Variants in CHDH observed in about 807,000 individuals in gnomAD.
The protein encoded by CHDH is choline dehydrogenase, mitochondrial.
A neutral mutation model predicts 56.9 loss-of-function variants in CHDH; 43 were observed. The observed-to-expected ratio is 0.76, with a 90% confidence interval of 0.59 to 0.97. The LOEUF is 0.97. Among genes scored for constraint, CHDH ranks in the 50% least tolerant of loss-of-function variants. CHDH has a pLI of 0.00. For missense variants in CHDH, 816 were observed against 821.1 expected (o/e 0.99, Z 0.08); for synonymous variants, 364 against 348.5 (o/e 1.04, Z -0.50).
chr3:53,822,571 C>T lies in CHDH; in HGVS notation c.775G>A (p.Glu259Lys), dbSNP rs1447905824. ...AATAGCACCCTGCTCACAAGCGTCTCGGCCTCGGCCTTGAGGTTGGTGCGG... is the reference window on the plus strand; with the variant it reads ...AATAGCACCCTGCTCACAAGCGTCTTGGCCTCGGCCTTGAGGTTGGTGCGG... Reference protein sequence around the residue: ...LSRTNLKAEAETLVSRVLFEG... With the variant: ...LSRTNLKAEAKTLVSRVLFEG... Residue 259 changes from glutamate to lysine, a missense_variant, in exon 4 of 9, where the codon GAG (glutamate) becomes AAG (lysine). Coordinates refer to ENST00000315251, the MANE Select transcript of CHDH (RefSeq NM_018397.5). 3.1e-6 allele frequency: 5 copies of T among 1,613,082 alleles called. No individual in the cohort carries two copies. Among genetic ancestry groups the T allele is most frequent in the African/African-American group, 2.7e-5 (2 of 74,936 alleles).
At chr3:53,820,991 G>C (rs2095625200) in intron 5 of CHDH, among the ~76,000 whole-genome samples, 1 of 152,376 alleles carries the variant, frequency 6.6e-6, no homozygotes, top group South Asian at 2.1e-4. Context: ...CCTCACGCCA[G>C]CGTGGGGAAG....
chr3:53,843,758 G>T (rs1176775259), intron 1 of CHDH, among the ~76,000 whole-genome samples: 1 of 152,092 alleles, frequency 6.6e-6, no homozygotes, highest in Admixed American at 6.5e-5. Flanking sequence ...TGACTGAAGG[G>T]AGAAGGTCAG....
At chr3:53,818,556 C>T (rs928405109) in intron 8 of CHDH, among the ~76,000 whole-genome samples, 3 of 152,218 alleles carry the variant, frequency 2.0e-5, no homozygotes, top group African/African-American at 7.2e-5. Flanking sequence ...GTGGGTAGTG[C>T]TCGTTTTTGC....
At chr3:53,842,315 A>C (rs1282657211) in intron 1 of CHDH, among the ~76,000 whole-genome samples, 2 of 152,146 alleles carry the variant, frequency 1.3e-5, no homozygotes, top group Non-Finnish European at 2.9e-5. Context: ...TATTAATAAC[A>C]AATAAATTCA....
intron 1 of CHDH, among the ~76,000 whole-genome samples, chr3:53,845,261 C>T (rs1698825360): frequency 6.6e-6 from 1 of 152,222 alleles, no homozygotes; most frequent in African/African-American, 2.4e-5. Context: ...GGCTGATCCC[C>T]AGTCCATGCA....
chr3:53,816,371 G>A lies in CHDH; in HGVS notation c.*1406C>T, dbSNP rs1320849814. On this transcript the variant is annotated 3_prime_UTR_variant, in exon 9 of 9. Transcript: ENST00000315251. ...CTGGAGAAGGCATCTCAGTTCAAAT[G>A]TGAGTGACTGGATCACTTTATTGAA... The A allele has an allele frequency of 6.6e-6, 1 of 152,204 alleles. No homozygotes were observed. Among genetic ancestry groups the A allele is most frequent in the Non-Finnish European group, 1.5e-5 (1 of 68,026 alleles). The allele number at this position is 152,204 out of a possible 1,614,324, so 9.4% of individuals were successfully genotyped here. A position where few individuals can be genotyped will look rare whatever the true frequency, so the allele number is the denominator to read the frequency against.
At chr3:53,820,392 A>T (rs1404832094) in intron 6 of CHDH, 82 bp downstream of exon 6, 7 of 1,497,300 alleles carry the variant, frequency 4.7e-6, no homozygotes, top group Non-Finnish European at 6.3e-6. Context: ...CCCAGTGGCC[A>T]GAACCCCTGT....
intron 1 of CHDH, among the ~76,000 whole-genome samples, 183 bp downstream of exon 1, chr3:53,845,900 A>T (rs1216649152): frequency 1.3e-5 from 2 of 152,194 alleles, no homozygotes; most frequent in Non-Finnish European, 2.9e-5. Flanking sequence ...CCCTCAAAGG[A>T]GTCAGTGAGC....
At chr3:53,841,394 T>G (rs1576808490) in intron 1 of CHDH, among the ~76,000 whole-genome samples, 1 of 152,312 alleles carries the variant, frequency 6.6e-6, no homozygotes, top group East Asian at 1.9e-4. Flanking sequence ...TGTTTGATTT[T>G]CTGCGCTCAT....
intron 2 of CHDH, among the ~76,000 whole-genome samples, chr3:53,840,526 C>CAA (rs35642771): frequency 0.018 from 2,725 of 148,298 alleles, 82 homozygotes; most frequent in African/African-American, 0.054. Flanking sequence ...GACCTTGTCT[C>CAA]AAAAAAAAAA....
rs776807205 is a variant in CHDH at position 53,819,672 on chromosome 3, C to T, written c.1123G>A (p.Glu375Lys). The change falls in exon 7 of 9, where the codon GAG (glutamate) becomes AAG (lysine). Residue 375 changes from glutamate to lysine, a missense_variant and splice_region_variant. Physicochemically the swap from Glu to Lys is moderately conservative, Grantham distance 56. Transcript: ENST00000315251. The surrounding 1 kb of genome is among the most constrained non-coding windows in gnomAD (Gnocchi z 5.4). Reference protein sequence around the residue: ...GLEWLWKFTGEGATAHLETGG... With the variant: ...GLEWLWKFTGKGATAHLETGG... ...GTTTCCAGATGGGCAGTGGCTCCCT[C>T]CCCTGAGAAGCAGAAGAGGATGAGG... The T allele has an allele frequency of 4.4e-6, 7 of 1,598,412 alleles. No homozygotes were observed. The African/African-American group carries it at 8.0e-5, about 18-fold the overall frequency.
intron 2 of CHDH, among the ~76,000 whole-genome samples, chr3:53,831,682 T>C (rs892916612): frequency 1.3e-5 from 2 of 152,234 alleles, no homozygotes; most frequent in Non-Finnish European, 1.5e-5. Flanking sequence ...TTTAAAACTA[T>C]AACTCAACAA....
chr3:53,822,537 G>A lies in CHDH; in HGVS notation c.809C>T (p.Thr270Ile), dbSNP rs747630916. The A allele has an allele frequency of 7.4e-6, 12 of 1,613,554 alleles. No individual in the cohort carries two copies. Among genetic ancestry groups the A allele is most frequent in the South Asian group, 1.1e-5 (1 of 91,092 alleles). The change falls in exon 4 of 9, where the codon ACC (threonine) becomes ATC (isoleucine). Residue 270 changes from threonine (T) to isoleucine (I), a missense_variant. Coordinates refer to ENST00000315251, the MANE Select transcript of CHDH (RefSeq NM_018397.5). Reference sequence around the variant, plus strand: ...GACATACTCCACGCCCACTGCACGGGTGCCCTCAAATAGCACCCTGCTCAC... The same window carrying A: ...GACATACTCCACGCCCACTGCACGGATGCCCTCAAATAGCACCCTGCTCAC... The part of the protein sequence containing the change: ...TLVSRVLFEG[T>I]RAVGVEYVKN...
chr3:53,827,792 T>C (rs958654460), intron 2 of CHDH, among the ~76,000 whole-genome samples: 2 of 152,226 alleles, frequency 1.3e-5, no homozygotes, highest in Admixed American at 6.5e-5. Context: ...GGCTCAATAT[T>C]GTCAAGATGT....
At chr3:53,822,714 G>A in intron 3 of CHDH, 72 bp from the exon 4 acceptor site, 1 of 1,537,336 alleles carries the variant, frequency 6.5e-7, no homozygotes, top group Middle Eastern at 2.0e-4. Context: ...GAAGGAGCTG[G>A]AGAAAGAAAG....
In CHDH at chr3:53,821,787, T is replaced by C; in HGVS notation, c.856-11A>G. ...CTTGCTGGCATAAGCCTGGAAGAGG[T>C]CCAGCCAGGTCACTCCCTGAAAAGC... is the stretch of plus-strand genomic sequence containing the variant. On this transcript the variant is annotated splice_polypyrimidine_tract_variant and intron_variant, in intron 4 of 8. Transcript: ENST00000315251. 5.0e-6 allele frequency: 8 copies of C among 1,612,596 alleles called. No homozygotes were observed. The highest frequency in any genetic ancestry group is 6.8e-6 in the Non-Finnish European group (8 of 1,179,256).
intron 2 of CHDH, among the ~76,000 whole-genome samples, chr3:53,838,327 C>A (rs938486389): frequency 6.6e-6 from 1 of 152,098 alleles, no homozygotes; most frequent in African/African-American, 2.4e-5. Context: ...GAGTCAAGCA[C>A]CTGATAGACT....
chr3:53,841,072 C>A (rs536884497), intron 1 of CHDH, 73 bp from the exon 2 acceptor site: 60 of 152,276 alleles, frequency 3.9e-4, no homozygotes, highest in African/African-American at 1.4e-3. Context: ...GACACAGCAA[C>A]CTATGTCTGT....
chr3:53,840,272 G>A (rs1233576719), intron 2 of CHDH, among the ~76,000 whole-genome samples: 1 of 152,166 alleles, frequency 6.6e-6, no homozygotes, highest in Non-Finnish European at 1.5e-5. Context: ...TGTAATCTCA[G>A]CACCTTGGGA....
Sources: gnomAD v4.1 joint callset for allele counts (sites outside exome capture counted in the v4.1 genomes callset) on GRCh38, gnomAD v4.1.1 for gene constraint, Gnocchi (gnomAD v3.1) non-coding constraint, MANE v1.5 for transcripts, NCBI Gene and HGNC (gene_info 2026-07-23, HGNC 2026-07-21) for gene names.